Variants in RCC1 observed in about 807,000 individuals in gnomAD.
RCC1 encodes regulator of chromosome condensation.
RCC1 carries 11 observed loss-of-function variants against 44.4 expected under a neutral mutation model. The ratio of observed to expected loss-of-function variants is 0.25; its 90% CI spans 0.16 to 0.41. RCC1 has a LOEUF of 0.41. Among genes scored for constraint, RCC1 ranks in the 10% least tolerant of loss-of-function variants. The pLI is 1.00. For missense variants in RCC1, 386 were observed against 547.1 expected (o/e 0.71, Z 2.94); for synonymous variants, 213 against 216.5 (o/e 0.98, Z 0.14).
At chr1:28,517,573 ATGT>A (rs1461606301) in intron 4 of RCC1, among the ~76,000 whole-genome samples, 1 of 152,134 alleles carries the variant, frequency 6.6e-6, no homozygotes, top group Non-Finnish European at 1.5e-5. Context: ...TACCCATCTG[ATGT>A]TAACTCACGG....
At chr1:28,527,141 G>T in intron 4 of RCC1, 2 of 1,274,268 alleles carry the variant, frequency 1.6e-6, no homozygotes, top group East Asian at 2.4e-5. Flanking sequence ...CAGGCCTGAG[G>T]GCTGCAGTGG....
intron 6 of RCC1, 27 bp from the exon 7 acceptor site, chr1:28,532,144 G>A (rs775414037): frequency 6.2e-7 from 1 of 1,605,842 alleles, no homozygotes; most frequent in Non-Finnish European, 8.5e-7. Flanking sequence ...GCCAGACGTT[G>A]CATTAATGAG....
chr1:28,515,361 T>C (rs1048006820), intron 3 of RCC1, among the ~76,000 whole-genome samples: 19 of 149,966 alleles, frequency 1.3e-4, no homozygotes, highest in African/African-American at 4.7e-4. Context: ...GAGGCAGAGG[T>C]TGCAGTGAGC....
chr1:28,530,508 G>A (rs1439727252), intron 5 of RCC1: 1 of 1,596,618 alleles, frequency 6.3e-7, no homozygotes, highest in South Asian at 1.1e-5. Context: ...CTCAGACAGT[G>A]TCTGTCTTTT....
Position 28,529,182 on chromosome 1 carries a change from C to CTTTTT in RCC1, c.-9-659_-9-655dup, listed in dbSNP as rs568053824. ...ACAGGCGTGAGCCACCGCGCCCAGGCTTTTTTTTTTTTTTTTTTTTTGAGA... is the reference window on the plus strand; with the variant it reads ...ACAGGCGTGAGCCACCGCGCCCAGGCTTTTTTTTTTTTTTTTTTTTTTTTTTGAGA... On this transcript the variant is annotated intron_variant, in intron 4 of 12. Coordinates refer to ENST00000683442, the MANE Select transcript of RCC1 (RefSeq NM_001381865.2). 5.2e-4 allele frequency among the ~76,000 whole-genome samples: 42 copies of CTTTTT among 80,508 alleles called. 3 individuals carry two copies. The highest frequency in any genetic ancestry group is 6.0e-4 in the African/African-American group (11 of 18,244). The allele number at this position is 80,508 out of a possible 152,430, so 52.8% of individuals were successfully genotyped here.
At chr1:28,534,884 T>A (rs1210683085) in intron 7 of RCC1, among the ~76,000 whole-genome samples, 166 bp from the exon 8 acceptor site, 2 of 152,270 alleles carry the variant, frequency 1.3e-5, no homozygotes, top group Non-Finnish European at 2.9e-5. Flanking sequence ...CCTTGATTAT[T>A]TTAATGCAAG....
chr1:28,506,160 C>T (rs992973993), intron 1 of RCC1, 76 bp downstream of exon 1: 13 of 449,080 alleles, frequency 2.9e-5, no homozygotes, highest in African/African-American at 2.4e-4. Flanking sequence ...GATCAGTAGC[C>T]GAGCTTCCCT....
chr1:28,509,755 G>A (rs946268146), intron 3 of RCC1: 2 of 152,192 alleles, frequency 1.3e-5, no homozygotes, highest in Non-Finnish European at 2.9e-5. Flanking sequence ...CTAGTCTCAG[G>A]TGGGTCCCCC....
At chr1:28,532,115 C>T (rs2124658218) in intron 6 of RCC1, 56 bp from the exon 7 acceptor site, 1 of 1,590,862 alleles carries the variant, frequency 6.3e-7, no homozygotes, top group Admixed American at 1.7e-5. Context: ...GAGTGGCCTA[C>T]ATGAGAATGG....
At position 28,508,150 on chromosome 1, in the gene RCC1, ACT is replaced by A. The variant is rs1471625264; in HGVS notation, c.-236_-235del. ...CAGGATTTGTTAAGGATTCCAAGTA[ACT>A]CTTATTTGGTGAGTAAATCTGCTAA... On this transcript the variant is annotated 5_prime_UTR_variant, in exon 2 of 13. Transcript: ENST00000683442. The A allele has an allele frequency of 4.5e-6, 2 of 445,044 alleles. No homozygotes were observed. Among genetic ancestry groups the A allele is most frequent in the African/African-American group, 2.0e-5 (1 of 49,918 alleles). 27.6% of individuals were successfully genotyped at this position (445,044 alleles called of 1,614,324 possible). A position where few individuals can be genotyped will look rare whatever the true frequency, so the allele number is the denominator to read the frequency against.
intron 5 of RCC1, among the ~76,000 whole-genome samples, chr1:28,530,164 A>C (rs1220958975): frequency 1.2e-4 from 18 of 151,738 alleles, no homozygotes; most frequent in African/African-American, 2.9e-4. Flanking sequence ...GCACAAAAAA[A>C]AAAAAAAAAA....
chr1:28,525,508 T>G (rs1570196217), intron 4 of RCC1, among the ~76,000 whole-genome samples: 1 of 152,212 alleles, frequency 6.6e-6, no homozygotes, highest in Non-Finnish European at 1.5e-5. Context: ...TTAAGGCAAC[T>G]GGCCAGCCAC....
chr1:28,511,409 T>TG (rs1318388625), intron 3 of RCC1, among the ~76,000 whole-genome samples: 3 of 145,124 alleles, frequency 2.1e-5, no homozygotes, highest in East Asian at 1.9e-4. Flanking sequence ...TTTTGTTTTT[T>TG]TTTTTTTTTG....
chr1:28,535,507 T>G (rs1233596955), intron 9 of RCC1, 127 bp downstream of exon 9: 42 of 1,440,700 alleles, frequency 2.9e-5, no homozygotes, highest in Non-Finnish European at 3.9e-5. Context: ...GTTAGGACTT[T>G]GGAGACAGAC....
At chr1:28,535,843 C>T (rs1448879967) in intron 9 of RCC1, 28 bp from the exon 10 acceptor site, 1 of 1,601,850 alleles carries the variant, frequency 6.2e-7, no homozygotes, top group Admixed American at 1.7e-5. Context: ...CTGTCTGTCA[C>T]TGACCGTGGC....
At chr1:28,521,068 G>A (rs138588089) in intron 4 of RCC1, among the ~76,000 whole-genome samples, 2 of 152,014 alleles carry the variant, frequency 1.3e-5, no homozygotes, top group Non-Finnish European at 2.9e-5. Context: ...AACAGAGTGA[G>A]GCTCCATCTC....
chr1:28,516,251 C>T (rs1335882467), intron 3 of RCC1, among the ~76,000 whole-genome samples: 6 of 151,976 alleles, frequency 3.9e-5, no homozygotes, highest in Admixed American at 6.6e-5. Flanking sequence ...CGGAGGCTCA[C>T]GCCTGTAAGC....
At chr1:28,523,268 C>G (rs1410662199) in intron 4 of RCC1, among the ~76,000 whole-genome samples, 3 of 152,050 alleles carry the variant, frequency 2.0e-5, no homozygotes, top group African/African-American at 7.2e-5. Flanking sequence ...ATCCGCCCGC[C>G]TCGGCCTCCC....
intron 7 of RCC1, among the ~76,000 whole-genome samples, chr1:28,533,429 C>A (rs1664306662): frequency 2.0e-5 from 3 of 149,208 alleles, no homozygotes; most frequent in Admixed American, 6.7e-5. Flanking sequence ...CAAGATCGCG[C>A]CACTGCACTC....
Sources: allele counts gnomAD v4.1 joint callset (sites outside exome capture counted in the v4.1 genomes callset), GRCh38; gene constraint gnomAD v4.1.1; transcripts MANE v1.5; gene names NCBI Gene and HGNC (gene_info 2026-07-23, HGNC 2026-07-21).